Variants in MTMR2 observed in about 807,000 individuals in gnomAD.
The protein encoded by MTMR2 is myotubularin related protein 2.
A neutral mutation model predicts 86.9 loss-of-function variants in MTMR2; 55 were observed. That is an observed-to-expected ratio of 0.63 (90% CI 0.51 to 0.79). The LOEUF is 0.79. Among genes scored for constraint, MTMR2 ranks in the 30% least tolerant of loss-of-function variants. MTMR2 has a pLI of 0.00. For missense variants in MTMR2, 659 were observed against 772.3 expected (o/e 0.85, Z 1.74); for synonymous variants, 241 against 266.8 (o/e 0.90, Z 0.94).
chr11:95,868,313 A>G (rs1420553368), intron 2 of MTMR2, among the ~76,000 whole-genome samples: 1 of 150,322 alleles, frequency 6.7e-6, no homozygotes, highest in Non-Finnish European at 1.5e-5. Flanking sequence ...AAAGAAAAAG[A>G]AAAAGAAAAA....
intron 1 of MTMR2, among the ~76,000 whole-genome samples, chr11:95,894,039 C>T (rs920110598): frequency 6.6e-5 from 10 of 152,144 alleles, no homozygotes; most frequent in Non-Finnish European, 1.5e-4. Context: ...GGCCCTTGTT[C>T]TACATATCCA....
chr11:95,873,987 C>A (rs1240593212), intron 2 of MTMR2, among the ~76,000 whole-genome samples: 1 of 152,160 alleles, frequency 6.6e-6, no homozygotes, highest in Non-Finnish European at 1.5e-5. Context: ...TCTTGTTTTA[C>A]ATTTGCTGAG....
At chr11:95,861,182 A>G (rs1864406380) in intron 5 of MTMR2, among the ~76,000 whole-genome samples, 1 of 151,364 alleles carries the variant, frequency 6.6e-6, no homozygotes, top group South Asian at 2.1e-4. Flanking sequence ...TATGAGAACT[A>G]GAAACAGAAA....
chr11:95,900,403 A>T (rs1480780848), intron 1 of MTMR2, among the ~76,000 whole-genome samples: 1 of 152,178 alleles, frequency 6.6e-6, no homozygotes, highest in Non-Finnish European at 1.5e-5. Context: ...ACTACCTAAT[A>T]CTACAGAGCA....
intron 13 of MTMR2, 87 bp downstream of exon 13, chr11:95,838,007 T>A (rs892338175): frequency 1.1e-5 from 9 of 851,756 alleles, no homozygotes; most frequent in Non-Finnish European, 1.6e-5. Flanking sequence ...AAGAATGACT[T>A]CAGTTGAAAT....
chr11:95,878,789 G>A (rs746031361), intron 2 of MTMR2, among the ~76,000 whole-genome samples: 2 of 151,946 alleles, frequency 1.3e-5, no homozygotes, highest in African/African-American at 2.4e-5. Context: ...AATAAATGAT[G>A]GTTCATAATA....
intron 12 of MTMR2, among the ~76,000 whole-genome samples, chr11:95,839,108 C>T (rs914904783): frequency 6.6e-6 from 1 of 151,836 alleles, no homozygotes; most frequent in Admixed American, 6.6e-5. Context: ...GTATAAACAT[C>T]ATGTAAATGG....
chr11:95,897,233 G>C (rs143568621), intron 1 of MTMR2, among the ~76,000 whole-genome samples: 2 of 152,070 alleles, frequency 1.3e-5, no homozygotes, highest in African/African-American at 4.8e-5. Context: ...AAGTGGTCCA[G>C]GGCTTCTGAA....
chr11:95,870,731 C>CTTTTTTTTTTTTT (rs1158293839), intron 2 of MTMR2, among the ~76,000 whole-genome samples: 15 of 129,962 alleles, frequency 1.2e-4, no homozygotes, highest in African/African-American at 3.9e-4. Context: ...TTCTTTTTTT[C>CTTTTTTTTTTTTT]TTTTTCTTTT....
At chr11:95,895,524 G>C (rs148556978) in intron 1 of MTMR2, among the ~76,000 whole-genome samples, 9 of 152,132 alleles carry the variant, frequency 5.9e-5, no homozygotes, top group Non-Finnish European at 2.9e-5. Flanking sequence ...GCTAATAAAA[G>C]GCAAGGGGCA....
intron 1 of MTMR2, among the ~76,000 whole-genome samples, chr11:95,903,215 A>G (rs981169842): frequency 5.3e-5 from 8 of 152,112 alleles, no homozygotes; most frequent in Admixed American, 3.3e-4. Flanking sequence ...CTGTCTGACC[A>G]TCAGCTCTTT....
chr11:95,876,784 C>A (rs565641464), intron 2 of MTMR2, among the ~76,000 whole-genome samples: 16 of 152,136 alleles, frequency 1.1e-4, no homozygotes, highest in African/African-American at 3.1e-4. Context: ...TTCCATGTGA[C>A]TTTAACTTCT....
At chr11:95,838,353 G>T (rs370588663) in intron 12 of MTMR2, 146 bp from the exon 13 acceptor site, 15 of 644,162 alleles carry the variant, frequency 2.3e-5, no homozygotes, top group South Asian at 2.1e-4. Context: ...GGCATTATTC[G>T]TATGGTTTTC....
intron 7 of MTMR2, among the ~76,000 whole-genome samples, chr11:95,853,984 C>T (rs1864117814): frequency 6.6e-6 from 1 of 152,104 alleles, no homozygotes; most frequent in Admixed American, 6.6e-5. Context: ...CTTCCCATAT[C>T]CTTGTAAAAA....
At chr11:95,852,418 T>TTC (rs1864055406) in intron 7 of MTMR2, among the ~76,000 whole-genome samples, 1 of 152,224 alleles carries the variant, frequency 6.6e-6, no homozygotes, top group Admixed American at 6.5e-5. Flanking sequence ...AAAGAAGTAT[T>TTC]TCTCAAGCTG....
chr11:95,901,987 G>A (rs1866091226), intron 1 of MTMR2, among the ~76,000 whole-genome samples: 1 of 152,122 alleles, frequency 6.6e-6, no homozygotes, highest in Admixed American at 6.6e-5. Context: ...AATTCAGTAT[G>A]AATCCATGTG....
intron 1 of MTMR2, among the ~76,000 whole-genome samples, chr11:95,898,082 T>G (rs1865940042): frequency 6.6e-6 from 1 of 152,092 alleles, no homozygotes; most frequent in Admixed American, 6.6e-5. Flanking sequence ...ACATATGGTT[T>G]TTGTTCACAA....
Position 95,877,331 on chromosome 11 carries a change from C to CTTTTTTTTTTTTTTTTT in MTMR2, c.186+10824_186+10825insAAAAAAAAAAAAAAAAA, listed in dbSNP as rs1565368414. ...CATTCAAGATCAAGCACAGGGAAGC[C>CTTTTTTTTTTTTTTTTT]CTTTTTTTTTTTTTTTTTTTTTTTT... is the stretch of plus-strand genomic sequence containing the variant. On this transcript the variant is annotated intron_variant, in intron 2 of 14. Coordinates refer to ENST00000346299, the MANE Select transcript of MTMR2 (RefSeq NM_016156.6). 3.2e-4 allele frequency among the ~76,000 whole-genome samples: 30 copies of CTTTTTTTTTTTTTTTTT among 94,716 alleles called. 10 individuals carry two copies. Among genetic ancestry groups the CTTTTTTTTTTTTTTTTT allele is most frequent in the African/African-American group, 1.4e-3 (28 of 20,154 alleles). The allele number at this position is 94,716 out of a possible 152,430, so 62.1% of individuals were successfully genotyped here. A position where few individuals can be genotyped will look rare whatever the true frequency, so the allele number is the denominator to read the frequency against.
intron 1 of MTMR2, among the ~76,000 whole-genome samples, chr11:95,905,888 G>A (rs1207369821): frequency 2.2e-4 from 34 of 151,590 alleles, no homozygotes; most frequent in African/African-American, 8.2e-4. Flanking sequence ...CCAAGCAAAT[G>A]GAAAACAAAA....
Sources: allele counts gnomAD v4.1 joint callset (sites outside exome capture counted in the v4.1 genomes callset), GRCh38; gene constraint gnomAD v4.1.1; transcripts MANE v1.5; gene names NCBI Gene and HGNC (gene_info 2026-07-23, HGNC 2026-07-21).